Variants in SETD7 observed in about 807,000 individuals in gnomAD.
The protein encoded by SETD7 is SET domain containing 7, histone lysine methyltransferase, also known as histone-lysine N-methyltransferase SETD7.
In SETD7, 16 loss-of-function variants were observed where a neutral mutation model predicts 41.8. That is an observed-to-expected ratio of 0.38 (90% confidence interval 0.26 to 0.58). The LOEUF (loss-of-function observed/expected upper bound fraction) is 0.58. Among genes scored for constraint, SETD7 ranks in the 20% least tolerant of loss-of-function variants. The pLI, the probability that SETD7 is intolerant of heterozygous loss-of-function variation, is 0.64. For missense variants in SETD7, 346 were observed against 459.7 expected, an observed-to-expected ratio of 0.75 and a Z score of 2.26; for synonymous variants, 163 against 169.7, an observed-to-expected ratio of 0.96 and a Z score of 0.31.
Position 139,497,666 on chromosome 4 carries a change from T to G in SETD7, c.921-1145A>C, listed in dbSNP as rs976328948. On this transcript the variant is annotated intron_variant, in intron 7 of 7. Transcript: ENST00000506866. ...GTGCAGTTGCGCAATCTCGGCTCAC[T>G]GCAACCTCCGCCTCCTGGGTTCAAG... is the stretch of plus-strand genomic sequence containing the variant. Among the ~76,000 whole-genome samples the G allele has an allele frequency of 5.3e-5, 8 of 150,858 alleles. No homozygotes were observed. The East Asian group carries it at 1.6e-3, about 31-fold the overall frequency.
At chr4:139,522,202 C>A (rs759951337) in intron 5 of SETD7, among the ~76,000 whole-genome samples, 7 of 152,176 alleles carry the variant, frequency 4.6e-5, no homozygotes, top group Non-Finnish European at 8.8e-5. Flanking sequence ...TCAGCCCTGT[C>A]AGTTGAATGG....
At chr4:139,496,241 CA>C in exon 8 of SETD7, 1 of 554,702 alleles carries the variant, frequency 1.8e-6, no homozygotes, top group East Asian at 3.0e-5. Context: ...TATCTCTTTT[CA>C]GATCTTAAAA....
At chr4:139,543,991 A>AAAC (rs1727858190) in intron 2 of SETD7, among the ~76,000 whole-genome samples, 2 of 113,580 alleles carry the variant, frequency 1.8e-5, no homozygotes, top group Non-Finnish European at 4.0e-5. Context: ...AACAAACAAA[A>AAAC]ATTAGTGAAT....
intron 2 of SETD7, among the ~76,000 whole-genome samples, chr4:139,541,402 T>C (rs1378934849): frequency 6.6e-6 from 1 of 152,206 alleles, no homozygotes; most frequent in South Asian, 2.1e-4. Flanking sequence ...TATCAAAGTA[T>C]TTTGAACACT....
intron 3 of SETD7, chr4:139,532,932 T>C (rs965048580): frequency 1.7e-6 from 1 of 581,486 alleles, no homozygotes; most frequent in African/African-American, 1.9e-5. Flanking sequence ...TCATGATTAA[T>C]TACTCCTTTC....
At position 139,511,853 on chromosome 4, in the gene SETD7, A is replaced by G. The variant is rs979168833; in HGVS notation, c.921-10T>C. On this transcript the variant is annotated splice_polypyrimidine_tract_variant and intron_variant, in intron 7 of 7. Transcript: ENST00000274031. ...ACGGGGGTGGACAAACCTAAACATC[A>G]AGATGCACACAGTCATTCCCGGGCC... is the stretch of plus-strand genomic sequence containing the variant. The G allele has an allele frequency of 3.1e-6, 5 of 1,607,640 alleles. No individual in the cohort carries two copies. The African/African-American group carries it at 6.7e-5, about 22-fold the overall frequency.
chr4:139,554,251 T>C (rs1443876611), intron 1 of SETD7, among the ~76,000 whole-genome samples: 7 of 152,202 alleles, frequency 4.6e-5, no homozygotes, highest in African/African-American at 1.7e-4. Context: ...TGAACTTCCC[T>C]GTTTTCGAAT....
At chr4:139,551,675 G>C (rs1349690686) in intron 1 of SETD7, among the ~76,000 whole-genome samples, 1 of 151,822 alleles carries the variant, frequency 6.6e-6, no homozygotes, top group Non-Finnish European at 1.5e-5. Flanking sequence ...TAGAACCAGA[G>C]ACCCTACGCA....
chr4:139,518,151 A>T, intron 6 of SETD7, 109 bp from the exon 7 acceptor site: 8 of 1,197,440 alleles, frequency 6.7e-6, no homozygotes, highest in Admixed American at 3.0e-5. Flanking sequence ...TTTTTGAGAC[A>T]GGGTCTCACT....
Position 139,510,213 on chromosome 4 carries a change from G to A in SETD7, c.*1450C>T, listed in dbSNP as rs1726830922. The A allele has an allele frequency of 6.6e-6, 1 of 152,154 alleles. No individual in the cohort carries two copies. The allele number at this position is 152,154 out of a possible 1,614,324, so 9.4% of individuals were successfully genotyped here. Reference sequence around the variant, plus strand: ...CGCTTTCCAGACCAAACTGACTCAGGTGACAGGAATCACAGCTGACAGCTA... The same window carrying A: ...CGCTTTCCAGACCAAACTGACTCAGATGACAGGAATCACAGCTGACAGCTA... On this transcript the variant is annotated 3_prime_UTR_variant, in exon 8 of 8. Transcript: ENST00000274031.
intron 7 of SETD7, among the ~76,000 whole-genome samples, chr4:139,513,708 C>T (rs1726945404): frequency 6.6e-6 from 1 of 152,200 alleles, no homozygotes; most frequent in South Asian, 2.1e-4. Flanking sequence ...CACCTTATAT[C>T]TCTGAATCTC....
chr4:139,518,181 G>T (rs1279660729), intron 6 of SETD7, 139 bp from the exon 7 acceptor site: 6 of 897,282 alleles, frequency 6.7e-6, no homozygotes, highest in African/African-American at 1.7e-5. Flanking sequence ...AGGCTGGAGC[G>T]CAAGTAGCGT....
downstream of SETD7, among the ~76,000 whole-genome samples, chr4:139,504,347 T>C (rs1726653175): frequency 6.6e-6 from 1 of 152,250 alleles, no homozygotes; most frequent in Non-Finnish European, 1.5e-5. Context: ...AGCAAACCAC[T>C]ATGTCGTGAG....
chr4:139,533,324 C>T lies in SETD7; in HGVS notation c.213G>A (p.Gln71=). Residue 71 remains glutamine (Q), a synonymous_variant, in exon 3 of 8, where the codon CAG becomes CAA. Coordinates refer to ENST00000274031, the MANE Select transcript of SETD7 (RefSeq NM_030648.4). ...GYYVDDALQG[Q]GVYTYEDGGV... Reference sequence around the variant, plus strand: ...CCCCATCTTCGTAAGTGTAAACTCCCTGGCCCTGCAAGGCATCATCCACAT... The same window carrying T: ...CCCCATCTTCGTAAGTGTAAACTCCTTGGCCCTGCAAGGCATCATCCACAT... The T allele has an allele frequency of 6.2e-7, 1 of 1,614,150 alleles. No individual in the cohort carries two copies. Among genetic ancestry groups the T allele is most frequent in the Non-Finnish European group, 8.5e-7 (1 of 1,180,002 alleles).
chr4:139,540,978 G>A (rs1727763018), intron 2 of SETD7, among the ~76,000 whole-genome samples: 1 of 152,172 alleles, frequency 6.6e-6, no homozygotes, highest in Admixed American at 6.5e-5. Flanking sequence ...CATCAGACGG[G>A]TGACCTTGCT....
rs1726889075 is a variant in SETD7, at chr4:139,511,927, C to A, written c.921-84G>T. 7 of 1,507,988 alleles carry A rather than the reference C, an allele frequency of 4.6e-6. No individual in the cohort carries two copies. The East Asian group carries it at 1.1e-4, about 25-fold the overall frequency. 93.4% of individuals were successfully genotyped at this position (1,507,988 alleles called of 1,614,324 possible). ...GCTAGGGAGGGGCTGATACAGGAAT[C>A]ACCCCCAGGCACTCTTCCCTGGGCA... On this transcript the variant is annotated intron_variant, in intron 7 of 7. Transcript: ENST00000274031.
chr4:139,498,176 T>G (rs2874227), intron 7 of SETD7, among the ~76,000 whole-genome samples: 125,447 of 152,114 alleles, frequency 0.82, 52,115 homozygotes, highest in East Asian at 0.98. Context: ...TAATGCTGAC[T>G]CTTTGACATC....
chr4:139,503,515 C>CTA (rs1560671334), downstream of SETD7, among the ~76,000 whole-genome samples: 1 of 151,962 alleles, frequency 6.6e-6, no homozygotes, highest in Non-Finnish European at 1.5e-5. Flanking sequence ...GTAACAGTAC[C>CTA]TATATATATG....
chr4:139,552,808 C>T (rs1481498742), intron 1 of SETD7, among the ~76,000 whole-genome samples: 1 of 152,188 alleles, frequency 6.6e-6, no homozygotes, highest in Non-Finnish European at 1.5e-5. Flanking sequence ...TAAGCTGGAA[C>T]TAATTTTTAC....
Sources: allele counts gnomAD v4.1 joint callset (sites outside exome capture counted in the v4.1 genomes callset), GRCh38; gene constraint gnomAD v4.1.1; transcripts MANE v1.5; gene names NCBI Gene and HGNC (gene_info 2026-07-23, HGNC 2026-07-21).